Variants in SLC60A1 observed in about 807,000 individuals in gnomAD.
SLC60A1 encodes the protein solute carrier family 60 member 1.
the SLC60A1 span, among the ~76,000 whole-genome samples, chr1:205,585,297 G>A: frequency 6.6e-6 from 1 of 152,110 alleles, no homozygotes; most frequent in Non-Finnish European, 1.5e-5. The surrounding 1 kb of genome is among the most constrained non-coding windows in gnomAD (Gnocchi z 4.2). Context: ...TTTTAAAGGG[G>A]TGGTGCCCTA....
chr1:205,582,046 C>G, the SLC60A1 span, among the ~76,000 whole-genome samples: 1 of 152,234 alleles, frequency 6.6e-6, no homozygotes, highest in Non-Finnish European at 1.5e-5. Flanking sequence ...GATTTCCTTT[C>G]CCTGGCCCGA....
At chr1:205,597,373 G>GTTTTTTGTTTTT in the SLC60A1 span, among the ~76,000 whole-genome samples, 1 of 37,246 alleles carries the variant, frequency 2.7e-5, no homozygotes, top group Non-Finnish European at 7.0e-5. Context: ...AACCTAGGTT[G>GTTTTTTGTTTTT]TTTTTTTTTT....
chr1:205,586,712 T>G, the SLC60A1 span, among the ~76,000 whole-genome samples: 1 of 151,826 alleles, frequency 6.6e-6, no homozygotes, highest in Non-Finnish European at 1.5e-5. Flanking sequence ...TTTTTTTTTT[T>G]TTGAGATAGG....
At chr1:205,583,508 C>A in the SLC60A1 span, among the ~76,000 whole-genome samples, 1 of 152,306 alleles carries the variant, frequency 6.6e-6, no homozygotes, top group Admixed American at 6.5e-5. Context: ...CCTCAGATCT[C>A]TTCCAGTTCT....
chr1:205,569,270 CA>C, the SLC60A1 span: 1 of 1,554,966 alleles, frequency 6.4e-7, no homozygotes, highest in Non-Finnish European at 8.7e-7. Context: ...TCCTGCTGGG[CA>C]GCGCCCTCGG....
At chr1:205,574,708 T>C in the SLC60A1 span, among the ~76,000 whole-genome samples, 1 of 152,130 alleles carries the variant, frequency 6.6e-6, no homozygotes, top group South Asian at 2.1e-4. Flanking sequence ...TAAAGCTGAC[T>C]CTTGCGCGAC....
chr1:205,589,135 T>C, the SLC60A1 span, among the ~76,000 whole-genome samples: 34 of 152,296 alleles, frequency 2.2e-4, no homozygotes, highest in African/African-American at 7.5e-4. Context: ...GGTTTGTACA[T>C]GGGGTAGCCA....
chr1:205,597,583 A>C, the SLC60A1 span: 5 of 508,230 alleles, frequency 9.8e-6, no homozygotes, highest in Non-Finnish European at 1.4e-5. Flanking sequence ...TTTTGTAGAG[A>C]CCAAGTCTTG....
At chr1:205,595,359 T>C in the SLC60A1 span, among the ~76,000 whole-genome samples, 2 of 152,260 alleles carry the variant, frequency 1.3e-5, no homozygotes, top group Non-Finnish European at 2.9e-5. Flanking sequence ...ATCTCGCCCC[T>C]TTATCTTCCT....
chr1:205,602,379 T>G, the SLC60A1 span: 1 of 152,622 alleles, frequency 6.6e-6, no homozygotes, highest in African/African-American at 2.4e-5. Flanking sequence ...TGTGTGGCCC[T>G]GGGCAGGTTA....
chr1:205,571,232 A>G, the SLC60A1 span, among the ~76,000 whole-genome samples: 1,570 of 152,342 alleles, frequency 0.01, 20 homozygotes, highest in African/African-American at 0.035. Flanking sequence ...GGAGGCACAG[A>G]GAGGTTAAGA....
At chr1:205,580,431 T>C in the SLC60A1 span, among the ~76,000 whole-genome samples, 144,425 of 152,210 alleles carry the variant, frequency 0.95, 68,732 homozygotes, top group East Asian at 1. The surrounding 1 kb of genome is among the most constrained non-coding windows in gnomAD (Gnocchi z 5.0). Flanking sequence ...CATCCCAGGC[T>C]GGCAGGGTGG....
chr1:205,584,131 C>T, the SLC60A1 span: 3 of 1,611,594 alleles, frequency 1.9e-6, no homozygotes, highest in Middle Eastern at 1.7e-4. Flanking sequence ...TAGGTAGGGG[C>T]TCTAATGAAT....
chr1:205,569,456 C>A, the SLC60A1 span, among the ~76,000 whole-genome samples: 27,793 of 148,558 alleles, frequency 0.19, 2,922 homozygotes, highest in African/African-American at 0.25. Context: ...CTCCCAGCTC[C>A]ATCTTGGCCG....
the SLC60A1 span, chr1:205,592,430 C>G: frequency 2.2e-6 from 2 of 906,542 alleles, no homozygotes; most frequent in Non-Finnish European, 3.1e-6. Flanking sequence ...ATGTGCACAA[C>G]GTGCAGGTTT....
chr1:205,594,671 T>A, the SLC60A1 span, among the ~76,000 whole-genome samples: 1 of 151,864 alleles, frequency 6.6e-6, no homozygotes, highest in African/African-American at 2.4e-5. Flanking sequence ...AAAAGTGATA[T>A]TGATTGATTC....
chr1:205,593,535 T>C, the SLC60A1 span, among the ~76,000 whole-genome samples: 3 of 151,642 alleles, frequency 2.0e-5, no homozygotes, highest in Non-Finnish European at 4.4e-5. Flanking sequence ...TCAGGGCAGT[T>C]AGAGCTTCAC....
the SLC60A1 span, chr1:205,579,676 C>T: frequency 6.5e-7 from 1 of 1,542,400 alleles, no homozygotes; most frequent in South Asian, 1.1e-5. Context: ...CTGCCCAGAC[C>T]ACCCAGTGAA....
chr1:205,570,386 A>AT, the SLC60A1 span, among the ~76,000 whole-genome samples: 1 of 151,962 alleles, frequency 6.6e-6, no homozygotes, highest in African/African-American at 2.4e-5. Context: ...CCTGGAGAAA[A>AT]AACCGCAGTT....
Sources: allele counts gnomAD v4.1 joint callset (sites outside exome capture counted in the v4.1 genomes callset), GRCh38; gene constraint gnomAD v4.1.1; non-coding constraint Gnocchi (gnomAD v3.1); transcripts MANE v1.5; gene names NCBI Gene and HGNC (gene_info 2026-07-23, HGNC 2026-07-21).